MAPDA: variants seen among roughly 807,000 people sequenced by gnomAD.
MAPDA encodes the protein N6,N6-dimethyl-AMP deaminase.
the MAPDA span, chr15:43,345,785 G>C: frequency 2.5e-6 from 4 of 1,579,094 alleles, no homozygotes; most frequent in Non-Finnish European, 2.6e-6. Flanking sequence ...TCTCTGTCTG[G>C]CTGTACTCAG....
At chr15:43,351,440 A>AC in the MAPDA span, 2 of 350,012 alleles carry the variant, frequency 5.7e-6, no homozygotes, top group South Asian at 1.3e-4. Flanking sequence ...AAACAAAAAA[A>AC]CTGATGCTCT....
chr15:43,336,695 T>C, the MAPDA span: 3 of 1,529,194 alleles, frequency 2.0e-6, no homozygotes, highest in African/African-American at 2.9e-5. Context: ...TGGTAAGACA[T>C]GAAGGAATTT....
the MAPDA span, among the ~76,000 whole-genome samples, chr15:43,350,101 C>T: frequency 6.6e-6 from 1 of 152,054 alleles, no homozygotes; most frequent in African/African-American, 2.4e-5. Context: ...GACGGAGTCG[C>T]TCTGTCACCC....
At chr15:43,332,084 C>T in the MAPDA span, 1 of 152,100 alleles carries the variant, frequency 6.6e-6, no homozygotes, top group African/African-American at 2.4e-5. Flanking sequence ...TTATCTGTGA[C>T]TCCTGATGGG....
At chr15:43,351,092 A>G in the MAPDA span, 1 of 1,473,108 alleles carries the variant, frequency 6.8e-7, no homozygotes, top group Non-Finnish European at 9.3e-7. Context: ...CCTGAGTTGC[A>G]TTAATTCAGA....
At chr15:43,342,925 G>A in the MAPDA span, 2 of 1,139,096 alleles carry the variant, frequency 1.8e-6, no homozygotes, top group African/African-American at 1.6e-5. Flanking sequence ...GTTCATATAG[G>A]ATTGCTGAAG....
the MAPDA span, chr15:43,349,163 A>G: frequency 6.6e-7 from 1 of 1,512,108 alleles, no homozygotes; most frequent in African/African-American, 1.4e-5. Flanking sequence ...CTAGCTATTA[A>G]AAGATGGAGT....
At chr15:43,343,070 T>A in the MAPDA span, 1 of 1,570,338 alleles carries the variant, frequency 6.4e-7, no homozygotes, top group East Asian at 2.3e-5. Flanking sequence ...TGGACATTGA[T>A]GTTAGGTAAG....
At chr15:43,342,937 T>C in the MAPDA span, 1 of 1,257,710 alleles carries the variant, frequency 8.0e-7, no homozygotes, top group Non-Finnish European at 1.1e-6. Context: ...TTGCTGAAGG[T>C]GAGGGATGAA....
the MAPDA span, among the ~76,000 whole-genome samples, chr15:43,342,557 T>G: frequency 4.0e-5 from 6 of 151,860 alleles, no homozygotes; most frequent in South Asian, 1.2e-3. Context: ...TGAGACCAGC[T>G]TGGGCAACAT....
At chr15:43,352,984 TC>T in the MAPDA span, 2 of 151,870 alleles carry the variant, frequency 1.3e-5, no homozygotes, top group African/African-American at 4.8e-5. Flanking sequence ...CTCACTCTGT[TC>T]CCCAGGCTGG....
chr15:43,347,338 C>T, the MAPDA span, among the ~76,000 whole-genome samples: 1 of 152,148 alleles, frequency 6.6e-6, no homozygotes, highest in Non-Finnish European at 1.5e-5. Flanking sequence ...TCATTAAAAG[C>T]AGTTTAATGA....
chr15:43,333,860 A>C, the MAPDA span, among the ~76,000 whole-genome samples: 1 of 152,392 alleles, frequency 6.6e-6, no homozygotes, highest in East Asian at 1.9e-4. Context: ...CAAGGTGGCT[A>C]GTTTGAAAAT....
chr15:43,340,122 G>C, the MAPDA span: 1 of 694,572 alleles, frequency 1.4e-6, no homozygotes, highest in Non-Finnish European at 2.4e-6. Context: ...GTGACAAAGT[G>C]GATAATCTCT....
At chr15:43,351,587 A>G in the MAPDA span, 2 of 625,652 alleles carry the variant, frequency 3.2e-6, no homozygotes, top group East Asian at 5.6e-5. Context: ...TTAAGTATAA[A>G]TAAATCTGTT....
the MAPDA span, chr15:43,335,629 T>C: frequency 8.7e-6 from 13 of 1,491,034 alleles, no homozygotes; most frequent in Middle Eastern, 1.8e-4. Context: ...CTACCAACAT[T>C]AAGTACTTGG....
the MAPDA span, chr15:43,330,503 T>A: frequency 6.6e-7 from 1 of 1,512,648 alleles, no homozygotes; most frequent in Non-Finnish European, 8.8e-7. Context: ...CAGAAGAGAC[T>A]CAGGAATGGC....
the MAPDA span, chr15:43,330,408 C>G: frequency 1.1e-5 from 17 of 1,572,346 alleles, no homozygotes; most frequent in Non-Finnish European, 1.5e-5. Flanking sequence ...CCGCGCGCGG[C>G]CAGGGAACGC....
the MAPDA span, chr15:43,348,762 G>A: frequency 1.5e-6 from 1 of 673,268 alleles, no homozygotes; most frequent in East Asian, 2.9e-5. Flanking sequence ...AAAAGGCAAA[G>A]AGCTAGGAAG....
Sources: allele counts gnomAD v4.1 joint callset (sites outside exome capture counted in the v4.1 genomes callset), GRCh38; gene constraint gnomAD v4.1.1; transcripts MANE v1.5; gene names NCBI Gene and HGNC (gene_info 2026-07-23, HGNC 2026-07-21).